The following SHISA9 variants were observed in gnomAD, a reference collection of about 807,000 sequenced individuals.
SHISA9 encodes the protein protein shisa-9.
A neutral mutation model predicts 38.0 loss-of-function variants in SHISA9; 13 were observed. That is an observed-to-expected ratio of 0.34 (90% CI 0.22 to 0.54). The LOEUF (loss-of-function observed/expected upper bound fraction) is 0.54. Ranked by LOEUF, SHISA9 falls within the 20% of genes least tolerant of loss-of-function variation. The pLI, the probability that SHISA9 is intolerant of heterozygous loss-of-function variation, is 0.91. For synonymous variants in SHISA9, 275 were observed against 242.0 expected, an observed-to-expected ratio of 1.14 and a Z score of -1.27; for missense variants, 538 against 575.8, an observed-to-expected ratio of 0.93 and a Z score of 0.67.
chr16:13,355,845 G>A, the SHISA9 span, among the ~76,000 whole-genome samples: 2 of 152,346 alleles, frequency 1.3e-5, no homozygotes, highest in Non-Finnish European at 1.5e-5. Flanking sequence ...CCGCTAAGCC[G>A]AGAAGATCTG....
the SHISA9 span, among the ~76,000 whole-genome samples, chr16:13,450,114 G>A: frequency 6.6e-6 from 1 of 151,964 alleles, no homozygotes; most frequent in Non-Finnish European, 1.5e-5. Flanking sequence ...GAGACTCTGT[G>A]TAAAAAAAAA....
chr16:13,023,183 C>A (rs1054134101), intron 2 of SHISA9, among the ~76,000 whole-genome samples: 5 of 151,612 alleles, frequency 3.3e-5, no homozygotes, highest in Non-Finnish European at 5.9e-5. Flanking sequence ...CCTGACCCTG[C>A]AACAGGCCCT....
At chr16:13,485,132 G>A in the SHISA9 span, among the ~76,000 whole-genome samples, 3 of 151,846 alleles carry the variant, frequency 2.0e-5, no homozygotes, top group Admixed American at 6.6e-5. Context: ...CTATCAACCC[G>A]TCATCTAGGT....
intron 2 of SHISA9, among the ~76,000 whole-genome samples, chr16:13,003,707 G>T (rs2072555242): frequency 6.6e-6 from 1 of 151,908 alleles, no homozygotes. Context: ...AAAATACAAA[G>T]ATTAGCCGGG....
At chr16:13,017,749 A>G (rs2072774894) in intron 2 of SHISA9, among the ~76,000 whole-genome samples, 2 of 152,146 alleles carry the variant, frequency 1.3e-5, no homozygotes, top group African/African-American at 4.8e-5. Context: ...TCAGCTTCAA[A>G]GCACTGGGGA....
chr16:13,019,523 T>C (rs192423849), intron 2 of SHISA9, among the ~76,000 whole-genome samples: 1 of 152,186 alleles, frequency 6.6e-6, no homozygotes, highest in African/African-American at 2.4e-5. Flanking sequence ...ACAAAGTCTC[T>C]GATTTTAGCT....
At chr16:13,445,709 A>G in the SHISA9 span, among the ~76,000 whole-genome samples, 4 of 152,300 alleles carry the variant, frequency 2.6e-5, no homozygotes, top group South Asian at 8.3e-4. Flanking sequence ...AGATTAATCT[A>G]GGGACAATAT....
intron 2 of SHISA9, among the ~76,000 whole-genome samples, chr16:13,157,558 T>C (rs554574568): frequency 6.6e-6 from 1 of 152,342 alleles, no homozygotes; most frequent in South Asian, 2.1e-4. Context: ...ACATGGAAAG[T>C]ACTTAAAACA....
the SHISA9 span, among the ~76,000 whole-genome samples, chr16:13,468,475 C>A: frequency 1.3e-5 from 2 of 152,196 alleles, no homozygotes; most frequent in Non-Finnish European, 2.9e-5. Flanking sequence ...TTTACCCAAG[C>A]ATCCATCTGC....
At chr16:13,054,499 G>T (rs566927503) in intron 2 of SHISA9, among the ~76,000 whole-genome samples, 54 of 152,252 alleles carry the variant, frequency 3.5e-4, no homozygotes, top group African/African-American at 1.2e-3. Context: ...CTACATACAT[G>T]TCCATGGAAA....
the SHISA9 span, among the ~76,000 whole-genome samples, chr16:13,502,477 A>G: frequency 6.6e-6 from 1 of 152,208 alleles, no homozygotes; most frequent in Non-Finnish European, 1.5e-5. Flanking sequence ...CAACAAATAT[A>G]TTTATTGTAT....
the SHISA9 span, among the ~76,000 whole-genome samples, chr16:13,380,153 T>A: frequency 6.7e-6 from 1 of 150,354 alleles, no homozygotes; most frequent in Non-Finnish European, 1.5e-5. Flanking sequence ...ATTTTCAGAA[T>A]CCTCAAAAAA....
At chr16:12,908,587 C>T (rs550204310) in intron 1 of SHISA9, 83 of 1,551,686 alleles carry the variant, frequency 5.3e-5, no homozygotes, top group South Asian at 2.3e-4. Context: ...TCTGAGTGCA[C>T]GGATCCTTGG....
At chr16:12,931,168 A>G (rs540607110) in intron 2 of SHISA9, among the ~76,000 whole-genome samples, 11 of 152,294 alleles carry the variant, frequency 7.2e-5, no homozygotes, top group South Asian at 2.1e-4. Flanking sequence ...AGTGGGATGT[A>G]TTATGTAGTG....
intron 2 of SHISA9, among the ~76,000 whole-genome samples, chr16:12,974,001 G>T (rs1014674159): frequency 6.6e-6 from 1 of 152,228 alleles, no homozygotes; most frequent in Non-Finnish European, 1.5e-5. Flanking sequence ...ATTATTGGAA[G>T]TGAGGCCCAG....
the SHISA9 span, among the ~76,000 whole-genome samples, chr16:13,465,148 C>A: frequency 6.6e-6 from 1 of 152,158 alleles, no homozygotes; most frequent in Non-Finnish European, 1.5e-5. Flanking sequence ...AGGAGCATTG[C>A]ATTACTCCTG....
At chr16:13,553,196 T>A in the SHISA9 span, among the ~76,000 whole-genome samples, 2 of 152,214 alleles carry the variant, frequency 1.3e-5, no homozygotes, top group Non-Finnish European at 2.9e-5. Flanking sequence ...GTTCACTTGC[T>A]CTTCCCAACA....
At chr16:13,325,199 G>T in the SHISA9 span, among the ~76,000 whole-genome samples, 1 of 152,148 alleles carries the variant, frequency 6.6e-6, no homozygotes, top group Non-Finnish European at 1.5e-5. Flanking sequence ...GGCTTTCAGA[G>T]CCATTTCAAA....
At chr16:13,216,209 G>A (rs2051167241) in intron 4 of SHISA9, among the ~76,000 whole-genome samples, 1 of 146,084 alleles carries the variant, frequency 6.8e-6, no homozygotes, top group Non-Finnish European at 1.5e-5. Flanking sequence ...AAAAAAAAGA[G>A]AGAGACAATT....
Sources: gnomAD v4.1 joint callset for allele counts (sites outside exome capture counted in the v4.1 genomes callset) on GRCh38, gnomAD v4.1.1 for gene constraint, MANE v1.5 for transcripts, NCBI Gene and HGNC (gene_info 2026-07-23, HGNC 2026-07-21) for gene names.